Variants in GLRX3 observed in about 807,000 individuals in gnomAD.
GLRX3 encodes the protein glutaredoxin 3, also known as glutaredoxin-3.
In GLRX3, 22 loss-of-function variants were observed where a neutral mutation model predicts 49.5. The observed-to-expected ratio is 0.44, with a 90% confidence interval of 0.32 to 0.63. The LOEUF is 0.63. Ranked by LOEUF, GLRX3 falls within the 30% of genes least tolerant of loss-of-function variation. The pLI is 0.05. For missense variants in GLRX3, 385 were observed against 396.3 expected (o/e 0.97, Z 0.24); for synonymous variants, 133 against 140.0 (o/e 0.95, Z 0.35).
In GLRX3 at chr10:130,179,530, T is replaced by C; in HGVS notation, c.*138T>C. ...GTTACATGTTTTGTGTATTTCACAA[T>C]GTCGTGCTAAATAAATGTATGTTAC... On this transcript the variant is annotated 3_prime_UTR_variant, in exon 11 of 11. Transcript: ENST00000331244. 1.6e-6 allele frequency: 1 copy of C among 642,216 alleles called. No homozygotes were observed. The highest frequency in any genetic ancestry group is 1.9e-5 in the South Asian group (1 of 53,844). The allele number at this position is 642,216 out of a possible 1,614,324, so 39.8% of individuals were successfully genotyped here.
chr10:130,175,234 GT>G (rs1862893938), intron 10 of GLRX3, 145 bp downstream of exon 10: 11 of 647,580 alleles, frequency 1.7e-5, no homozygotes, highest in South Asian at 7.2e-5. Flanking sequence ...CAGTATCACC[GT>G]TTCTGTGTGC....
At chr10:130,172,643 A>G (rs2008608) in intron 8 of GLRX3, among the ~76,000 whole-genome samples, 32,255 of 152,154 alleles carry the variant, frequency 0.21, 3,507 homozygotes, top group Middle Eastern at 0.29. Context: ...AATTTCAGGG[A>G]CATAAAAAGA....
At chr10:130,144,465 C>A (rs984119789) in intron 1 of GLRX3, among the ~76,000 whole-genome samples, 2 of 152,042 alleles carry the variant, frequency 1.3e-5, no homozygotes, top group Non-Finnish European at 2.9e-5. Context: ...CCTTGCCCCC[C>A]ACCCCCTGAC....
At chr10:130,174,712 A>C (rs2134928017) in intron 8 of GLRX3, among the ~76,000 whole-genome samples, 155 bp from the exon 9 acceptor site, 1 of 152,360 alleles carries the variant, frequency 6.6e-6, no homozygotes, top group Non-Finnish European at 1.5e-5. Context: ...GTAGTACCAG[A>C]CAGATTAAGA....
At chr10:130,147,332 G>T (rs1862288742) in intron 2 of GLRX3, among the ~76,000 whole-genome samples, 1 of 152,182 alleles carries the variant, frequency 6.6e-6, no homozygotes, top group Non-Finnish European at 1.5e-5. Context: ...CATGTTACTG[G>T]TTTAGGTAAC....
intron 10 of GLRX3, among the ~76,000 whole-genome samples, chr10:130,178,649 C>T (rs961849759): frequency 6.6e-6 from 1 of 152,112 alleles, no homozygotes; most frequent in Non-Finnish European, 1.5e-5. Context: ...CCAGTTGCTG[C>T]GTTTCCTAAT....
chr10:130,154,027 A>G (rs1270647691), intron 2 of GLRX3, among the ~76,000 whole-genome samples: 1 of 152,210 alleles, frequency 6.6e-6, no homozygotes, highest in Non-Finnish European at 1.5e-5. Flanking sequence ...GGCCTACTCA[A>G]GCCTCAGCAA....
At chr10:130,147,270 A>G (rs539622472) in intron 2 of GLRX3, among the ~76,000 whole-genome samples, 3 of 152,370 alleles carry the variant, frequency 2.0e-5, no homozygotes, top group East Asian at 3.9e-4. Context: ...CATTTCAATC[A>G]TAAGATTAAT....
At chr10:130,142,943 A>T (rs2134871872) in intron 1 of GLRX3, among the ~76,000 whole-genome samples, 1 of 152,204 alleles carries the variant, frequency 6.6e-6, no homozygotes, top group East Asian at 1.9e-4. Context: ...TCCCTCTGTA[A>T]CCCTTTGCGG....
At position 130,137,085 on chromosome 10, in the gene GLRX3, T is replaced by G. The variant is rs551840624; in HGVS notation, c.92+573T>G. On this transcript the variant is annotated intron_variant, in intron 1 of 10. Coordinates refer to ENST00000331244, the MANE Select transcript of GLRX3 (RefSeq NM_006541.5). Reference sequence around the variant, plus strand: ...GTTGCATTAGCTAGGCCTGGCTGCCTTTTGAAGTCAGCCTTTAAAGTTTGT... The same window carrying G: ...GTTGCATTAGCTAGGCCTGGCTGCCGTTTGAAGTCAGCCTTTAAAGTTTGT... Among the ~76,000 whole-genome samples the G allele has an allele frequency of 9.8e-5, 15 of 152,336 alleles. No individual in the cohort carries two copies. In the South Asian group the frequency reaches 3.1e-3, roughly 32 times the overall value.
rs931027108 is a variant in GLRX3 at position 130,136,407 on chromosome 10, C to CTGGCGGCGGCAGCA, written c.-4_10dup. On this transcript the variant is annotated 5_prime_UTR_variant, in exon 1 of 11. The change creates a new upstream start codon in the 5' untranslated region. Transcript: ENST00000331244. The stretch of plus-strand genomic sequence containing the variant: ...GCCGCCGGCACTGGATTGCTTCTGT[C>CTGGCGGCGGCAGCA]TGGCGGCGGCAGCATGGCGGCGGGG... The CTGGCGGCGGCAGCA allele has an allele frequency of 1.0e-5, 13 of 1,251,242 alleles. No homozygotes were observed. Among genetic ancestry groups the CTGGCGGCGGCAGCA allele is most frequent in the East Asian group, 3.1e-5 (1 of 31,836 alleles). The allele number at this position is 1,251,242 out of a possible 1,614,324, so 77.5% of individuals were successfully genotyped here. A position where few individuals can be genotyped will look rare whatever the true frequency, so the allele number is the denominator to read the frequency against.
chr10:130,138,586 GGA>G (rs1862111307), intron 1 of GLRX3, among the ~76,000 whole-genome samples: 1 of 152,074 alleles, frequency 6.6e-6, no homozygotes, highest in Non-Finnish European at 1.5e-5. Flanking sequence ...AAATTGTTAC[GGA>G]AAAAAGCAGG....
At chr10:130,155,875 C>T (rs1274741331) in intron 2 of GLRX3, among the ~76,000 whole-genome samples, 1 of 152,050 alleles carries the variant, frequency 6.6e-6, no homozygotes, top group Non-Finnish European at 1.5e-5. Flanking sequence ...TGAGTTTGAG[C>T]ATTTAGGGAG....
intron 4 of GLRX3, among the ~76,000 whole-genome samples, chr10:130,162,367 A>G (rs111431983): frequency 6.6e-6 from 1 of 152,226 alleles, no homozygotes; most frequent in Admixed American, 6.5e-5. Flanking sequence ...TGTGTATTGC[A>G]AAGCTAACTT....
At chr10:130,151,833 C>G (rs1471889868) in intron 2 of GLRX3, among the ~76,000 whole-genome samples, 1 of 151,954 alleles carries the variant, frequency 6.6e-6, no homozygotes, top group African/African-American at 2.4e-5. Context: ...TTTTTGCTTT[C>G]CATTTGCTTG....
chr10:130,139,948 A>C (rs1366518898), intron 1 of GLRX3, among the ~76,000 whole-genome samples: 1 of 152,256 alleles, frequency 6.6e-6, no homozygotes, highest in African/African-American at 2.4e-5. Context: ...AAAGTGCCCG[A>C]ATTTTAGTAC....
At chr10:130,146,469 A>G (rs910050494) in intron 2 of GLRX3, among the ~76,000 whole-genome samples, 2 of 152,154 alleles carry the variant, frequency 1.3e-5, no homozygotes, top group African/African-American at 4.8e-5. Context: ...GTGTACTCCT[A>G]CATTCCTGCT....
At chr10:130,151,058 G>A (rs1406087178) in intron 2 of GLRX3, among the ~76,000 whole-genome samples, 1 of 151,812 alleles carries the variant, frequency 6.6e-6, no homozygotes. Context: ...CTCCTGAGTA[G>A]CTGGGATTAC....
At chr10:130,142,540 A>G (rs1022287041) in intron 1 of GLRX3, among the ~76,000 whole-genome samples, 1 of 152,054 alleles carries the variant, frequency 6.6e-6, no homozygotes, top group Non-Finnish European at 1.5e-5. Context: ...TAAAATAAAC[A>G]TATAAGGATT....
Sources: allele counts gnomAD v4.1 joint callset (sites outside exome capture counted in the v4.1 genomes callset), GRCh38; gene constraint gnomAD v4.1.1; transcripts MANE v1.5; gene names NCBI Gene and HGNC (gene_info 2026-07-23, HGNC 2026-07-21).